ABHD1: variants seen among roughly 807,000 people sequenced by gnomAD.
The protein encoded by ABHD1 is protein ABHD1.
ABHD1 carries 47 observed loss-of-function variants against 41.4 expected under a neutral mutation model. The ratio of observed to expected loss-of-function variants is 1.13; its 90% CI spans 0.90 to 1.45. ABHD1 has a LOEUF of 1.45. ABHD1 is among the 40% of genes most tolerant of loss of function. The pLI, the probability that ABHD1 is intolerant of heterozygous loss-of-function variation, is 0.00. For synonymous variants in ABHD1, 205 were observed against 203.7 expected (o/e 1.01, Z -0.05); for missense variants, 550 against 503.4 (o/e 1.09, Z -0.89).
Position 27,129,031 on chromosome 2 carries a change from C to T in ABHD1, c.362C>T (p.Thr121Ile), listed in dbSNP as rs1477450251. Residue 121 changes from threonine (T) to isoleucine (I), a missense_variant, in exon 3 of 9, where the codon ACC becomes ATC. Physicochemically the swap from Thr to Ile is moderately conservative, Grantham distance 89. Transcript: ENST00000316470. ...PDSSQDPDPTTQPIVLLLPGI... is the reference protein window; with the variant it reads ...PDSSQDPDPTIQPIVLLLPGI... ...AGCAGCCAAGACCCTGATCCTACTACCCAGCCCATTGTGCTGCTGCTTCCT... is the reference window on the plus strand; with the variant it reads ...AGCAGCCAAGACCCTGATCCTACTATCCAGCCCATTGTGCTGCTGCTTCCT... 6.2e-7 allele frequency: 1 copy of T among 1,614,096 alleles called. No individual in the cohort carries two copies. The highest frequency in any genetic ancestry group is 2.2e-5 in the East Asian group (1 of 44,902).
Position 27,123,876 on chromosome 2 carries a change from G to T in ABHD1, c.-73G>T, listed in dbSNP as rs1572912774. On this transcript the variant is annotated 5_prime_UTR_variant, in exon 1 of 9. Coordinates refer to ENST00000316470, the MANE Select transcript of ABHD1 (RefSeq NM_032604.4). ...CACAGGCCGCCTATGGCGGGCGGCG[G>T]GTGGGACCGCGAGTTACAGCCGGCC... is the stretch of plus-strand genomic sequence containing the variant. The T allele has an allele frequency of 2.4e-6, 3 of 1,265,930 alleles. No homozygotes were observed. Among genetic ancestry groups the T allele is most frequent in the South Asian group, 1.4e-5 (1 of 71,480 alleles). 78.4% of individuals were successfully genotyped at this position (1,265,930 alleles called of 1,614,324 possible).
In ABHD1 at chr2:27,130,649, C is replaced by T. The variant is rs751961865; in HGVS notation, c.1123C>T (p.Arg375Cys). 15 of 1,614,200 alleles carry T rather than the reference C, an allele frequency of 9.3e-6. No homozygotes were observed. Among genetic ancestry groups the T allele is most frequent in the South Asian group, 4.4e-5 (4 of 91,086 alleles). ...CCCGTGGCAGCACTGGTACATGAGC[C>T]GCCTCTTGCATCAGTACGCCAAAGC... ...LLPWQHWYMS[R>C]LLHQYAKAIF... Residue 375 changes from arginine (R) to cysteine (C), a missense_variant, in exon 9 of 9, where the codon CGC becomes TGC. Arg to Cys is a radical substitution (Grantham distance 180). Coordinates refer to ENST00000316470, the MANE Select transcript of ABHD1 (RefSeq NM_032604.4).
At chr2:27,124,116 C>T (rs747908091) in intron 1 of ABHD1, 54 bp downstream of exon 1, 7 of 1,519,978 alleles carry the variant, frequency 4.6e-6, no homozygotes, top group Non-Finnish European at 6.4e-6. Flanking sequence ...GGGGCAGCTT[C>T]CAGACACGGG....
At chr2:27,129,650 C>G in intron 5 of ABHD1, 24 bp downstream of exon 5, 1 of 1,610,590 alleles carries the variant, frequency 6.2e-7, no homozygotes, top group Non-Finnish European at 8.5e-7. Flanking sequence ...GGGCTTAGCC[C>G]AGAGGCCCAG....
At chr2:27,127,508 T>C (rs1432818155) in intron 1 of ABHD1, among the ~76,000 whole-genome samples, 3 of 122,950 alleles carry the variant, frequency 2.4e-5, no homozygotes, top group East Asian at 2.5e-4. Context: ...GAGCCGAGAT[T>C]GCGCCACTGC....
rs1671843363 is a variant in ABHD1, at chr2:27,123,905, T to C, written c.-44T>C. 1 of 1,572,440 alleles carries C rather than the reference T, an allele frequency of 6.4e-7. No homozygotes were observed. Among genetic ancestry groups the C allele is most frequent in the Non-Finnish European group, 8.7e-7 (1 of 1,145,332 alleles). ...GGACCGCGAGTTACAGCCGGCCAAC[T>C]GGGGCCAGCCAGGAGCCTGAGGGTC... On this transcript the variant is annotated 5_prime_UTR_variant, in exon 1 of 9. Transcript: ENST00000316470.
In ABHD1 at chr2:27,130,354, A is replaced by T. The variant is rs763555724; in HGVS notation, c.944A>T (p.Asp315Val). 1.2e-5 allele frequency: 20 copies of T among 1,614,046 alleles called. No homozygotes were observed. The highest frequency in any genetic ancestry group is 1.7e-6 in the Non-Finnish European group (2 of 1,180,040). ...YKAASPRTKI[D>V]AIRIPVLYLS... ...GCAGCAAGCCCTAGAACCAAGATAG[A>T]TGCCATCCGGATCCCTGTGCTCTAT... The change falls in exon 8 of 9, where the codon GAT becomes GTT. Residue 315 changes from aspartate to valine, a missense_variant. Asp to Val is a radical substitution (Grantham distance 152). Coordinates refer to ENST00000316470, the MANE Select transcript of ABHD1 (RefSeq NM_032604.4).
In ABHD1 at chr2:27,123,944, A is replaced by C; in HGVS notation, c.-5A>C. The C allele has an allele frequency of 1.2e-6, 2 of 1,613,608 alleles. No individual in the cohort carries two copies. Among genetic ancestry groups the C allele is most frequent in the South Asian group, 1.1e-5 (1 of 91,080 alleles). Reference sequence around the variant, plus strand: ...AGCCTGAGGGTCGGAAGCCCCCAACACAAGATGCTGAGCTCCTTCCTGAGC... The same window carrying C: ...AGCCTGAGGGTCGGAAGCCCCCAACCCAAGATGCTGAGCTCCTTCCTGAGC... On this transcript the variant is annotated 5_prime_UTR_variant, in exon 1 of 9. Coordinates refer to ENST00000316470, the MANE Select transcript of ABHD1 (RefSeq NM_032604.4).
intron 1 of ABHD1, chr2:27,125,991 T>G (rs1671942314): frequency 6.6e-6 from 1 of 150,962 alleles, no homozygotes; most frequent in African/African-American, 2.4e-5. Context: ...GGCTCTAGAG[T>G]CAGACAGACC....
At chr2:27,129,273 G>A (rs752341622) in intron 3 of ABHD1, 43 bp from the exon 4 acceptor site, 4 of 1,612,694 alleles carry the variant, frequency 2.5e-6, no homozygotes, top group South Asian at 1.1e-5. Context: ...AGGGGAGAGG[G>A]GCTAAGAAGG....
rs140006680 is a variant in ABHD1 at position 27,129,017 on chromosome 2, C to T, written c.348C>T (p.Asp116=). The part of the protein sequence containing the change: ...DWAKQPDSSQ[D]PDPTTQPIVL... The stretch of plus-strand genomic sequence containing the variant: ...CCAAGCAGCCTGACAGCAGCCAAGA[C>T]CCTGATCCTACTACCCAGCCCATTG... Residue 116 remains aspartate (D), a synonymous_variant, in exon 3 of 9, where the codon GAC becomes GAT. Coordinates refer to ENST00000316470, the MANE Select transcript of ABHD1 (RefSeq NM_032604.4). 1 of 1,614,236 alleles carries T rather than the reference C, an allele frequency of 6.2e-7. No homozygotes were observed. The highest frequency in any genetic ancestry group is 8.5e-7 in the Non-Finnish European group (1 of 1,180,054).
chr2:27,127,553 CAAAAAA>C lies in ABHD1; in HGVS notation c.115-875_115-870del, dbSNP rs776328433. On this transcript the variant is annotated intron_variant, in intron 1 of 8. Transcript: ENST00000316470. ...TGGGCAACAGAGCGAGACTCTGTCTCAAAAAAAAAAAAAAAAAAGAAAAAAAAAAGA... is the reference window on the plus strand; with the variant it reads ...TGGGCAACAGAGCGAGACTCTGTCTCAAAAAAAAAAAAGAAAAAAAAAAGA... Among the ~76,000 whole-genome samples, 26 of 96,194 alleles carry C rather than the reference CAAAAAA, an allele frequency of 2.7e-4. No homozygotes were observed. The Admixed American group carries it at 3.0e-3, about 11-fold the overall frequency. 63.1% of individuals were successfully genotyped at this position (96,194 alleles called of 152,430 possible).
rs116425193 is a variant in ABHD1, at chr2:27,129,235, T to C, written c.459-81T>C. The C allele has an allele frequency of 2.5e-3, 4,041 of 1,602,098 alleles. 7 individuals are homozygous for C. The highest frequency in any genetic ancestry group is 4.2e-3 in the Admixed American group (249 of 59,232). ...GAAGAATGCTACACAAAGGGAGTCT[T>C]TGGACAGGGGTCTTTCTGAATACTG... is the stretch of plus-strand genomic sequence containing the variant. On this transcript the variant is annotated intron_variant, in intron 3 of 8. Transcript: ENST00000316470.
intron 3 of ABHD1, 69 bp downstream of exon 3, chr2:27,129,196 A>G: frequency 6.3e-7 from 1 of 1,591,788 alleles, no homozygotes; most frequent in Non-Finnish European, 8.6e-7. Flanking sequence ...GTCAATCCGG[A>G]CACTGATAGA....
intron 4 of ABHD1, 42 bp downstream of exon 4, chr2:27,129,403 C>T (rs1672123858): frequency 1.2e-6 from 2 of 1,613,540 alleles, no homozygotes; most frequent in African/African-American, 1.3e-5. Flanking sequence ...CACCCACTCC[C>T]TTTAGAGATC....
At chr2:27,126,463 G>C (rs1297735838) in intron 1 of ABHD1, 1 of 152,230 alleles carries the variant, frequency 6.6e-6, no homozygotes, top group Non-Finnish European at 1.5e-5. Flanking sequence ...GTAGACTATA[G>C]GAACTGTACT....
intron 7 of ABHD1, 24 bp from the exon 8 acceptor site, chr2:27,130,227 C>T (rs1206374109): frequency 1.2e-6 from 2 of 1,614,208 alleles, no homozygotes; most frequent in East Asian, 2.2e-5. Flanking sequence ...ATCATCTTAG[C>T]CTATCCTATG....
intron 1 of ABHD1, chr2:27,124,490 C>T: frequency 2.8e-6 from 1 of 356,346 alleles, no homozygotes; most frequent in Non-Finnish European, 5.5e-6. Context: ...CCCTTAAGGG[C>T]TGGCTGAGGT....
intron 1 of ABHD1, chr2:27,126,841 C>T (rs1671975909): frequency 6.6e-6 from 1 of 152,104 alleles, no homozygotes; most frequent in Non-Finnish European, 1.5e-5. Context: ...GTGGCTTACA[C>T]CTGTAATCCC....
Sources: gnomAD v4.1 joint callset for allele counts (sites outside exome capture counted in the v4.1 genomes callset) on GRCh38, gnomAD v4.1.1 for gene constraint, MANE v1.5 for transcripts, NCBI Gene and HGNC (gene_info 2026-07-23, HGNC 2026-07-21) for gene names.